Variants in FOXR1 observed in about 807,000 individuals in gnomAD.
FOXR1 encodes forkhead box protein R1.
FOXR1 carries 25 observed loss-of-function variants against 34.5 expected under a neutral mutation model. That is an observed-to-expected ratio of 0.72 (90% CI 0.53 to 1.01). The LOEUF is 1.01. Ranked by LOEUF, FOXR1 falls within the 50% of genes least tolerant of loss-of-function variation. The pLI, the probability that FOXR1 is intolerant of heterozygous loss-of-function variation, is 0.00. For missense variants in FOXR1, 373 were observed against 376.2 expected (o/e 0.99, Z 0.07); for synonymous variants, 153 against 141.6 (o/e 1.08, Z -0.57).
intron 5 of FOXR1, 51 bp downstream of exon 5, chr11:118,980,779 T>C (rs199822159): frequency 7.1e-6 from 11 of 1,550,448 alleles, no homozygotes; most frequent in African/African-American, 1.4e-5. Context: ...CTGAGGATCC[T>C]GACCCAAGGC....
Position 118,979,636 on chromosome 11 carries a change from C to A in FOXR1, c.579C>A (p.Gly193=). The change falls in exon 4 of 6, where the codon GGC becomes GGA. Residue 193 remains glycine, a synonymous_variant. Coordinates refer to ENST00000317011, the MANE Select transcript of FOXR1 (RefSeq NM_181721.3). ...ALALRNSSPC[G]LNVQQIYSFT... is the part of the protein sequence containing the mutation. ...CATTAAGAAACAGTTCCCCCTGTGG[C>A]CTCAACGTGCAACAGATCTACAGTT... is the stretch of plus-strand genomic sequence containing the variant. 6.2e-7 allele frequency: 1 copy of A among 1,609,774 alleles called. No individual in the cohort carries two copies. Among genetic ancestry groups the A allele is most frequent in the Non-Finnish European group, 8.5e-7 (1 of 1,177,948 alleles).
At chr11:118,977,410 G>T (rs1400407610) in intron 1 of FOXR1, among the ~76,000 whole-genome samples, 1 of 152,258 alleles carries the variant, frequency 6.6e-6, no homozygotes, top group Non-Finnish European at 1.5e-5. Flanking sequence ...TTAATAGTAT[G>T]TATTATAAGT....
rs145283417 is a variant in FOXR1 at position 118,971,973 on chromosome 11, C to A, written c.42C>A (p.Leu14=). ...ELFLAFTTSH[L]PLAEQKLARY... Reference sequence around the variant, plus strand: ...TTCTGGCCTTCACCACATCTCACCTCCCCTTAGCGGAGCAGAAACGTGAGT... The same window carrying A: ...TTCTGGCCTTCACCACATCTCACCTACCCTTAGCGGAGCAGAAACGTGAGT... The change falls in exon 1 of 6, where the codon CTC becomes CTA. Residue 14 remains leucine, a synonymous_variant. Transcript: ENST00000317011. The A allele has an allele frequency of 3.5e-4, 544 of 1,552,138 alleles. 1 individual carries two copies. The highest frequency in any genetic ancestry group is 4.4e-4 in the Non-Finnish European group (503 of 1,147,190).
In FOXR1 at chr11:118,981,213, A is replaced by T; in HGVS notation, c.856A>T (p.Met286Leu). Residue 286 changes from methionine (M) to leucine (L), a missense_variant, in exon 6 of 6, where the codon ATG (methionine) becomes TTG (leucine). Physicochemically the swap from Met to Leu is conservative, Grantham distance 15. Coordinates refer to ENST00000317011, the MANE Select transcript of FOXR1 (RefSeq NM_181721.3). Reference sequence around the variant, plus strand: ...ACTCTCTCCTTTTCTTACAGATGTGATGCCCTTCCTCTTTGATCTTTAACC... The same window carrying T: ...ACTCTCTCCTTTTCTTACAGATGTGTTGCCCTTCCTCTTTGATCTTTAACC... ...IQQCMSQPDV[M>L]PFLFDL is the part of the protein sequence containing the mutation. The T allele has an allele frequency of 6.2e-7, 1 of 1,614,146 alleles. No homozygotes were observed. Among genetic ancestry groups the T allele is most frequent in the Non-Finnish European group, 8.5e-7 (1 of 1,180,004 alleles).
chr11:118,979,194 G>A lies in FOXR1; in HGVS notation c.374G>A (p.Ser125Asn). ...CGGAAGCGGTTTGCCTTTTCCCCCA[G>A]CACCTGGGAGGTATGCATTTTTGGG... ...PPRKRFAFSP[S>N]TWELTEEEEA... Residue 125 changes from serine to asparagine, a missense_variant, in exon 3 of 6, where the codon AGC (serine) becomes AAC (asparagine). Coordinates refer to ENST00000317011, the MANE Select transcript of FOXR1 (RefSeq NM_181721.3). 1 of 1,525,574 alleles carries A rather than the reference G, an allele frequency of 6.6e-7. No homozygotes were observed. Among genetic ancestry groups the A allele is most frequent in the Non-Finnish European group, 8.8e-7 (1 of 1,140,730 alleles). The allele number at this position is 1,525,574 out of a possible 1,614,324, so 94.5% of individuals were successfully genotyped here.
At chr11:118,979,245 G>T in intron 3 of FOXR1, 41 bp downstream of exon 3, 1 of 1,506,708 alleles carries the variant, frequency 6.6e-7, no homozygotes, top group Admixed American at 2.3e-5. Context: ...TGGGCAGTAG[G>T]CGAGGGGCAT....
At chr11:118,972,485 A>G (rs1206332832) in intron 1 of FOXR1, among the ~76,000 whole-genome samples, 2 of 151,990 alleles carry the variant, frequency 1.3e-5, no homozygotes, top group Non-Finnish European at 2.9e-5. Context: ...GTACTTGCCA[A>G]ATGCTTAGTT....
At position 118,971,877 on chromosome 11, in the gene FOXR1, C is replaced by T. The variant is rs1941707312; in HGVS notation, c.-55C>T. On this transcript the variant is annotated 5_prime_UTR_variant, in exon 1 of 6. Coordinates refer to ENST00000317011, the MANE Select transcript of FOXR1 (RefSeq NM_181721.3). ...CGAAGGTGGACGTGAAGCTCCAACA[C>T]CTCGACTTCTGGGCCCGCCTCCATG... 7.1e-6 allele frequency: 11 copies of T among 1,538,490 alleles called. No homozygotes were observed. Among genetic ancestry groups the T allele is most frequent in the African/African-American group, 1.4e-5 (1 of 72,918 alleles).
Position 118,981,263 on chromosome 11 carries a change from C to T in FOXR1, c.*27C>T. ...CCCAAGAAGCAACAGCCAGCTAATGCTTTATTAAAATTACCCTCACTAGCC... is the reference window on the plus strand; with the variant it reads ...CCCAAGAAGCAACAGCCAGCTAATGTTTTATTAAAATTACCCTCACTAGCC... On this transcript the variant is annotated 3_prime_UTR_variant, in exon 6 of 6. Transcript: ENST00000317011. 1 of 1,612,502 alleles carries T rather than the reference C, an allele frequency of 6.2e-7. No homozygotes were observed. Among genetic ancestry groups the T allele is most frequent in the Non-Finnish European group, 8.5e-7 (1 of 1,178,574 alleles).
intron 4 of FOXR1, 105 bp from the exon 5 acceptor site, chr11:118,980,385 T>C (rs1342149040): frequency 1.5e-6 from 2 of 1,318,230 alleles, no homozygotes; most frequent in Non-Finnish European, 2.2e-6. Flanking sequence ...ACTATCCCCC[T>C]GGAGAGAAGG....
chr11:118,980,384 C>T lies in FOXR1; in HGVS notation c.612-106C>T, dbSNP rs116366103. The T allele has an allele frequency of 4.5e-4, 590 of 1,313,128 alleles. 3 individuals are homozygous for T. The African/African-American group carries it at 7.3e-3, about 16-fold the overall frequency. 81.3% of individuals were successfully genotyped at this position (1,313,128 alleles called of 1,614,324 possible). ...TCCAGGCCAACTTGCTACTATCCCC[C>T]TGGAGAGAAGGGCTAAAGCCCCTGG... On this transcript the variant is annotated intron_variant, in intron 4 of 5. Coordinates refer to ENST00000317011, the MANE Select transcript of FOXR1 (RefSeq NM_181721.3).
rs149134151 is a variant in FOXR1 at position 118,971,983 on chromosome 11, G to C, written c.52G>C (p.Glu18Gln). 1.3e-6 allele frequency: 2 copies of C among 1,550,194 alleles called. No individual in the cohort carries two copies. The highest frequency in any genetic ancestry group is 2.4e-5 in the South Asian group (2 of 84,066). ...CACCACATCTCACCTCCCCTTAGCG[G>C]AGCAGAAACGTGAGTAGCGGGTGGG... ...AFTTSHLPLA[E>Q]QKLARYKLRI... is the part of the protein sequence containing the mutation. Residue 18 changes from glutamate to glutamine, a missense_variant, in exon 1 of 6, where the codon GAG becomes CAG. Glu to Gln is a conservative substitution (Grantham distance 29, BLOSUM62 2). Coordinates refer to ENST00000317011, the MANE Select transcript of FOXR1 (RefSeq NM_181721.3).
chr11:118,977,292 A>G (rs1200564276), intron 1 of FOXR1, among the ~76,000 whole-genome samples: 1 of 152,166 alleles, frequency 6.6e-6, no homozygotes. Flanking sequence ...TCGGCCTCCC[A>G]AAGTGCTGGG....
At chr11:118,976,605 G>A (rs1326345212) in intron 1 of FOXR1, among the ~76,000 whole-genome samples, 1 of 152,202 alleles carries the variant, frequency 6.6e-6, no homozygotes, top group African/African-American at 2.4e-5. Flanking sequence ...ATAAGTTCCT[G>A]TATTAACTTG....
At position 118,979,564 on chromosome 11, in the gene FOXR1, G is replaced by T. The variant is rs1169792871; in HGVS notation, c.507G>T (p.Arg169Ser). The T allele has an allele frequency of 6.2e-7, 1 of 1,613,290 alleles. No homozygotes were observed. The highest frequency in any genetic ancestry group is 1.3e-5 in the African/African-American group (1 of 75,036). The change falls in exon 4 of 6, where the codon AGG (arginine) becomes AGT (serine). Residue 169 changes from arginine to serine, a missense_variant. Coordinates refer to ENST00000317011, the MANE Select transcript of FOXR1 (RefSeq NM_181721.3). ...RLRQASSQAG[R>S]LWSRPPLNYF... ...GGCAAGCCAGCAGCCAGGCGGGGAG[G>T]CTCTGGTCCCGGCCCCCTCTCAATT...
Position 118,979,652 on chromosome 11 carries a change from A to T in FOXR1, c.595A>T (p.Ile199Phe). Residue 199 changes from isoleucine (I) to phenylalanine (F), a missense_variant, in exon 4 of 6, where the codon ATC (isoleucine) becomes TTC (phenylalanine). Ile to Phe is a conservative substitution (Grantham distance 21). Coordinates refer to ENST00000317011, the MANE Select transcript of FOXR1 (RefSeq NM_181721.3). ...SSPCGLNVQQ[I>F]YSFTRKHFPF... Reference sequence around the variant, plus strand: ...CCCCTGTGGCCTCAACGTGCAACAGATCTACAGTTTCACTCGGTATGTGCC... The same window carrying T: ...CCCCTGTGGCCTCAACGTGCAACAGTTCTACAGTTTCACTCGGTATGTGCC... The T allele has an allele frequency of 6.2e-7, 1 of 1,605,224 alleles. No individual in the cohort carries two copies.
Position 118,980,470 on chromosome 11 carries a change from CCT to C in FOXR1, c.612-16_612-15del, listed in dbSNP as rs1473992407. ...CCCAGACATAACATGCCTTTCCTTA[CCT>C]CTCCTCCCTGTCCATAGAAAGCACT... On this transcript the variant is annotated intron_variant, in intron 4 of 5. Transcript: ENST00000317011. 5 of 1,612,326 alleles carry C rather than the reference CCT, an allele frequency of 3.1e-6. No individual in the cohort carries two copies. In the African/African-American group the frequency reaches 5.3e-5, roughly 17 times the overall value.
intron 3 of FOXR1, 87 bp downstream of exon 3, chr11:118,979,291 T>C: frequency 1.3e-6 from 2 of 1,496,330 alleles, no homozygotes; most frequent in Non-Finnish European, 8.9e-7. Flanking sequence ...CTCTTAGCCA[T>C]AGCAAAAGGT....
At chr11:118,976,752 C>T (rs115946115) in intron 1 of FOXR1, among the ~76,000 whole-genome samples, 3,290 of 152,288 alleles carry the variant, frequency 0.022, 113 homozygotes, top group African/African-American at 0.075. Context: ...TGTTTCTCAA[C>T]ACTTGGTATT....
Sources: allele counts gnomAD v4.1 joint callset (sites outside exome capture counted in the v4.1 genomes callset), GRCh38; gene constraint gnomAD v4.1.1; transcripts MANE v1.5; gene names NCBI Gene and HGNC (gene_info 2026-07-23, HGNC 2026-07-21).